Variants in DDHD1 observed in about 807,000 individuals in gnomAD.
The protein encoded by DDHD1 is DDHD domain containing 1.
In DDHD1, 49 loss-of-function variants were observed where a neutral mutation model predicts 96.4. The observed-to-expected ratio is 0.51, with a 90% CI of 0.40 to 0.64. DDHD1 has a LOEUF of 0.64. DDHD1 is among the 30% of genes least tolerant of loss of function. The pLI is 0.00. For missense variants in DDHD1, 1,106 were observed against 1,161.2 expected, an observed-to-expected ratio of 0.95 and a Z score of 0.69; for synonymous variants, 442 against 446.5, an observed-to-expected ratio of 0.99 and a Z score of 0.13.
chr14:53,059,862 T>TC (rs1883394947), intron 8 of DDHD1, among the ~76,000 whole-genome samples: 1 of 40,056 alleles, frequency 2.5e-5, no homozygotes, highest in African/African-American at 1.7e-4. Context: ...AGACTCTGTC[T>TC]CAAAAAAAAA....
chr14:53,101,795 G>C (rs143084549), intron 2 of DDHD1, among the ~76,000 whole-genome samples: 5 of 151,962 alleles, frequency 3.3e-5, no homozygotes, highest in Admixed American at 2.0e-4. Flanking sequence ...GCAGGAAGCA[G>C]AAGTAAAAAG....
chr14:53,100,859 C>G (rs1887244004), intron 2 of DDHD1, among the ~76,000 whole-genome samples: 1 of 152,180 alleles, frequency 6.6e-6, no homozygotes, highest in Admixed American at 6.5e-5. Flanking sequence ...TGATTATCTA[C>G]TCACTTTATT....
At chr14:53,128,505 G>A (rs948354037) in intron 1 of DDHD1, among the ~76,000 whole-genome samples, 4 of 152,156 alleles carry the variant, frequency 2.6e-5, no homozygotes, top group African/African-American at 9.7e-5. Context: ...GGACTCTGCC[G>A]TATGACCTTA....
chr14:53,141,441 T>C (rs1285246563), intron 1 of DDHD1, among the ~76,000 whole-genome samples: 1 of 152,184 alleles, frequency 6.6e-6, no homozygotes, highest in African/African-American at 2.4e-5. Context: ...ATTTCTTCTA[T>C]TAAAGAGGAA....
chr14:53,114,423 C>A (rs1888389192), intron 1 of DDHD1, among the ~76,000 whole-genome samples: 1 of 152,234 alleles, frequency 6.6e-6, no homozygotes, highest in Non-Finnish European at 1.5e-5. Flanking sequence ...GGTCCCTAAC[C>A]CCCATACCTC....
chr14:53,051,590 T>C (rs1285286554), intron 12 of DDHD1, among the ~76,000 whole-genome samples: 1 of 152,048 alleles, frequency 6.6e-6, no homozygotes, highest in East Asian at 1.9e-4. Context: ...ATGCTTTTCT[T>C]CAGGTTCCTT....
intron 1 of DDHD1, among the ~76,000 whole-genome samples, chr14:53,124,760 A>G (rs1468098344): frequency 6.6e-6 from 1 of 152,234 alleles, no homozygotes; most frequent in Non-Finnish European, 1.5e-5. Context: ...ATTAATGAAA[A>G]GATTTATTGT....
chr14:53,108,324 C>G (rs1439275772), intron 1 of DDHD1, among the ~76,000 whole-genome samples: 1 of 152,200 alleles, frequency 6.6e-6, no homozygotes, highest in Non-Finnish European at 1.5e-5. Flanking sequence ...CACTGGGTTC[C>G]AAGGTTCTCT....
chr14:53,150,940 G>C (rs993911930), intron 1 of DDHD1, among the ~76,000 whole-genome samples: 1 of 152,080 alleles, frequency 6.6e-6, no homozygotes, highest in African/African-American at 2.4e-5. Flanking sequence ...TTATAAAAAT[G>C]GTAATGAATG....
chr14:53,058,670 T>C (rs1356830595), intron 8 of DDHD1, 44 bp from the exon 9 acceptor site: 4 of 1,554,490 alleles, frequency 2.6e-6, no homozygotes, highest in African/African-American at 1.4e-5. Context: ...TGGTGAAGTG[T>C]TATCTTTCAA....
rs1249834440 is a variant in DDHD1 at position 53,042,271 on chromosome 14, A to G, written c.*4497T>C. The G allele has an allele frequency of 1.3e-5, 2 of 152,216 alleles. No homozygotes were observed. Among genetic ancestry groups the G allele is most frequent in the Admixed American group, 6.5e-5 (1 of 15,286 alleles). The allele number at this position is 152,216 out of a possible 1,614,324, so 9.4% of individuals were successfully genotyped here. The stretch of plus-strand genomic sequence containing the variant: ...GTAAGGGAGATTTTTGAATTTGTCA[A>G]TTCCTAAACTTAGTTTCTGACATGA... On this transcript the variant is annotated 3_prime_UTR_variant, in exon 13 of 13. Transcript: ENST00000673822.
At chr14:53,057,629 C>T (rs983425666) in intron 9 of DDHD1, among the ~76,000 whole-genome samples, 1 of 152,072 alleles carries the variant, frequency 6.6e-6, no homozygotes, top group Non-Finnish European at 1.5e-5. Context: ...ACTGGTATTA[C>T]AATTGGTTAA....
rs139658565 is a variant in DDHD1, at chr14:53,081,684, T to A, written c.1290-7837A>T. 2.8e-3 allele frequency among the ~76,000 whole-genome samples: 427 copies of A among 152,332 alleles called. 1 individual carries two copies. The highest frequency in any genetic ancestry group is 9.8e-3 in the African/African-American group (409 of 41,580). On this transcript the variant is annotated intron_variant, in intron 4 of 12. Transcript: ENST00000673822. ...AGTGATGTAGCTGGGAAACCCTAAT[T>A]TTGAGTTCTCAACTTGGAAACACTA...
At chr14:53,074,399 T>C in intron 4 of DDHD1, among the ~76,000 whole-genome samples, 1 of 151,782 alleles carries the variant, frequency 6.6e-6, no homozygotes, top group East Asian at 1.9e-4. Flanking sequence ...GCTATTCTTT[T>C]AGTAGTCACT....
intron 8 of DDHD1, among the ~76,000 whole-genome samples, chr14:53,059,676 C>A (rs1295212255): frequency 4.0e-5 from 6 of 148,912 alleles, no homozygotes; most frequent in African/African-American, 1.2e-4. Flanking sequence ...CCAGCCTGGC[C>A]AACATGGTGA....
intron 1 of DDHD1, among the ~76,000 whole-genome samples, chr14:53,138,076 G>A (rs903143951): frequency 6.6e-6 from 1 of 152,188 alleles, no homozygotes; most frequent in African/African-American, 2.4e-5. Flanking sequence ...AAAACTAAGA[G>A]AAATAGAGTT....
At chr14:53,092,833 A>C (rs1466280629) in intron 3 of DDHD1, 1 of 153,540 alleles carries the variant, frequency 6.5e-6, no homozygotes, top group Non-Finnish European at 1.4e-5. Flanking sequence ...TGGGAGACAG[A>C]GTGAGACCCC....
intron 4 of DDHD1, among the ~76,000 whole-genome samples, chr14:53,080,293 G>A (rs1885349655): frequency 6.6e-6 from 1 of 152,202 alleles, no homozygotes; most frequent in Non-Finnish European, 1.5e-5. Context: ...CCCAGGAGGT[G>A]GAGGCTGCAG....
chr14:53,055,919 T>TA lies in DDHD1; in HGVS notation c.1993-8_1993-7insT. The TA allele has an allele frequency of 5.0e-6, 8 of 1,596,204 alleles. No homozygotes were observed. The highest frequency in any genetic ancestry group is 5.1e-6 in the Non-Finnish European group (6 of 1,171,734). ...ATGGTTCTAATCTATAAGCCTTGATTTAAAAAAAAAAATTCAAAGAAACAC... is the reference window on the plus strand; with the variant it reads ...ATGGTTCTAATCTATAAGCCTTGATTATAAAAAAAAAAATTCAAAGAAACAC... On this transcript the variant is annotated splice_region_variant and splice_polypyrimidine_tract_variant and intron_variant, in intron 9 of 12. Transcript: ENST00000673822.
Sources: gnomAD v4.1 joint callset for allele counts (sites outside exome capture counted in the v4.1 genomes callset) on GRCh38, gnomAD v4.1.1 for gene constraint, MANE v1.5 for transcripts, NCBI Gene and HGNC (gene_info 2026-07-23, HGNC 2026-07-21) for gene names.